Variants in ZDHHC11B observed in about 807,000 individuals in gnomAD.
ZDHHC11B encodes zDHHC palmitoyltransferase 11B (putative), also known as probable palmitoyltransferase ZDHHC11B.
ZDHHC11B carries 17 observed loss-of-function variants against 42.3 expected under a neutral mutation model. That is an observed-to-expected ratio of 0.40 (90% CI 0.27 to 0.60). The LOEUF is 0.60. Among genes scored for constraint, ZDHHC11B ranks in the 20% least tolerant of loss-of-function variants. The pLI is 0.41. For synonymous variants in ZDHHC11B, 123 were observed against 193.5 expected (o/e 0.64, Z 3.02); for missense variants, 262 against 463.2 (o/e 0.57, Z 3.99).
intron 4 of ZDHHC11B, among the ~76,000 whole-genome samples, chr5:763,513 T>C (rs1338253419): frequency 2.0e-5 from 3 of 151,832 alleles, no homozygotes; most frequent in South Asian, 2.1e-4. Flanking sequence ...ACTGTTGCAC[T>C]TGGGGAAAAA....
At chr5:777,800 G>A (rs1249397109) in intron 1 of ZDHHC11B, among the ~76,000 whole-genome samples, 2 of 151,980 alleles carry the variant, frequency 1.3e-5, no homozygotes, top group Non-Finnish European at 2.9e-5. Context: ...AGGCGGAGCT[G>A]CCCGCCAGTA....
intron 3 of ZDHHC11B, among the ~76,000 whole-genome samples, chr5:767,171 A>G (rs1735554158): frequency 6.6e-6 from 1 of 151,996 alleles, no homozygotes; most frequent in Non-Finnish European, 1.5e-5. Context: ...CCGAGTGGCA[A>G]CAGAAAATGG....
chr5:746,884 C>T (rs1225339058), intron 8 of ZDHHC11B, among the ~76,000 whole-genome samples: 9 of 127,418 alleles, frequency 7.1e-5, no homozygotes, highest in African/African-American at 1.6e-4. Flanking sequence ...CCTTAATCTG[C>T]GGCACATGTG....
At chr5:751,945 C>A (rs1218041394) in intron 6 of ZDHHC11B, among the ~76,000 whole-genome samples, 1 of 119,558 alleles carries the variant, frequency 8.4e-6, no homozygotes, top group Non-Finnish European at 1.9e-5. Flanking sequence ...CGGTGCGACT[C>A]GCCCAAGCCT....
chr5:756,333 T>G (rs1400672153), intron 4 of ZDHHC11B, among the ~76,000 whole-genome samples, 189 bp from the exon 5 acceptor site: 1 of 151,142 alleles, frequency 6.6e-6, no homozygotes, highest in African/African-American at 2.4e-5. Context: ...CTTGCACACA[T>G]GGCCCTATAC....
chr5:774,278 G>A (rs1274119078), intron 1 of ZDHHC11B, among the ~76,000 whole-genome samples: 1 of 152,132 alleles, frequency 6.6e-6, no homozygotes, highest in Non-Finnish European at 1.5e-5. Context: ...GAACAGAATT[G>A]ACAGGGCTGG....
rs1378866950 is a variant in ZDHHC11B at position 737,285 on chromosome 5, G to C, written c.936-3446C>G. ...CAGGAAGAAATAGAAACTCGTAACA[G>C]ATTAATAACAAGTAGCGAGATTGAA... is the stretch of plus-strand genomic sequence containing the variant. On this transcript the variant is annotated intron_variant, in intron 10 of 13. Coordinates refer to ENST00000508859, the MANE Select transcript of ZDHHC11B (RefSeq NM_001351303.2). Among the ~76,000 whole-genome samples, 3 of 147,880 alleles carry C rather than the reference G, an allele frequency of 2.0e-5. 1 individual carries two copies. The highest frequency in any genetic ancestry group is 7.7e-5 in the African/African-American group (3 of 39,044).
At position 756,236 on chromosome 5, in the gene ZDHHC11B, A is replaced by G. The variant is rs397832423; in HGVS notation, c.223-92T>C. On this transcript the variant is annotated intron_variant, in intron 4 of 13. Transcript: ENST00000508859. ...CCAAGGTCCCAGAAGAGGCGTGGCC[A>G]CTGGTCAGCCCTGCTCACCCAGCCC... The G allele has an allele frequency of 2.8e-3, 4,202 of 1,526,186 alleles. 137 individuals are homozygous for G. Among genetic ancestry groups the G allele is most frequent in the South Asian group, 0.015 (1,155 of 79,302 alleles). The allele number at this position is 1,526,186 out of a possible 1,614,324, so 94.5% of individuals were successfully genotyped here.
intron 12 of ZDHHC11B, among the ~76,000 whole-genome samples, chr5:721,544 G>A (rs2126968410): frequency 6.6e-6 from 1 of 151,472 alleles, no homozygotes; most frequent in East Asian, 2.0e-4. Flanking sequence ...GGTCCCAGGG[G>A]CAAGGGTGAG....
At chr5:767,086 G>A (rs1735537283) in intron 3 of ZDHHC11B, 167 bp from the exon 4 acceptor site, 9 of 953,648 alleles carry the variant, frequency 9.4e-6, no homozygotes, top group South Asian at 8.3e-5. Context: ...GGGAGCAGGG[G>A]TTGGGCTGGA....
At chr5:775,436 C>G (rs527377245) in intron 1 of ZDHHC11B, among the ~76,000 whole-genome samples, 1 of 150,632 alleles carries the variant, frequency 6.6e-6, no homozygotes, top group East Asian at 1.9e-4. Flanking sequence ...GAGAAAGACT[C>G]TGTGATGGCA....
At chr5:748,185 C>T (rs181412346) in intron 8 of ZDHHC11B, 18,729 of 574,548 alleles carry the variant, frequency 0.033, 2,314 homozygotes, top group Non-Finnish European at 0.038. Flanking sequence ...GCCTGCTGGG[C>T]CCTCATGGAT....
At position 711,711 on chromosome 5, in the gene ZDHHC11B, T is replaced by G. The variant is rs1161861145; in HGVS notation, c.*579A>C. The G allele has an allele frequency of 6.6e-6, 1 of 150,680 alleles. No individual in the cohort carries two copies. Among genetic ancestry groups the G allele is most frequent in the South Asian group, 2.2e-4 (1 of 4,634 alleles). The allele number at this position is 150,680 out of a possible 1,614,324, so 9.3% of individuals were successfully genotyped here. A position where few individuals can be genotyped will look rare whatever the true frequency, so the allele number is the denominator to read the frequency against. ...ATTCCCCAGTACTCTGTGCTCCCAT[T>G]TCCCAGTACTTTGTGCTCCCATTTC... is the stretch of plus-strand genomic sequence containing the variant. On this transcript the variant is annotated 3_prime_UTR_variant, in exon 14 of 14. Transcript: ENST00000508859.
intron 12 of ZDHHC11B, among the ~76,000 whole-genome samples, chr5:722,376 G>A (rs1391159192): frequency 6.6e-6 from 1 of 151,606 alleles, no homozygotes; most frequent in Non-Finnish European, 1.5e-5. Flanking sequence ...AAAGAGTCCA[G>A]TGGAAAAATG....
At chr5:746,982 G>A (rs1248499895) in intron 8 of ZDHHC11B, among the ~76,000 whole-genome samples, 1 of 122,264 alleles carries the variant, frequency 8.2e-6, no homozygotes, top group African/African-American at 2.8e-5. Context: ...GAGGGTGAGA[G>A]ATTTCCTGAT....
chr5:773,673 G>T lies in ZDHHC11B; in HGVS notation c.-229-4743C>A, dbSNP rs118048783. 4.9e-4 allele frequency among the ~76,000 whole-genome samples: 74 copies of T among 151,906 alleles called. 3 individuals carry two copies. The East Asian group carries it at 9.7e-3, about 20-fold the overall frequency. Reference sequence around the variant, plus strand: ...ACGTGCCCAGCCCTGCCCCGACCCAGGTGCCTGCTCACAGCACATGCCCCT... The same window carrying T: ...ACGTGCCCAGCCCTGCCCCGACCCATGTGCCTGCTCACAGCACATGCCCCT... On this transcript the variant is annotated intron_variant, in intron 1 of 13. Coordinates refer to ENST00000508859, the MANE Select transcript of ZDHHC11B (RefSeq NM_001351303.2).
intron 4 of ZDHHC11B, among the ~76,000 whole-genome samples, chr5:760,509 A>G (rs1324585033): frequency 6.6e-6 from 1 of 151,612 alleles, no homozygotes; most frequent in Admixed American, 6.6e-5. Context: ...GGGCCCCAGA[A>G]CTGTGAGACC....
At chr5:777,976 C>A (rs936154802) in intron 1 of ZDHHC11B, among the ~76,000 whole-genome samples, 3 of 151,864 alleles carry the variant, frequency 2.0e-5, no homozygotes, top group Admixed American at 2.0e-4. Context: ...AGCAGGGAGG[C>A]GGCTGAGGCC....
intron 12 of ZDHHC11B, among the ~76,000 whole-genome samples, chr5:720,362 G>A (rs1359480553): frequency 6.6e-6 from 1 of 151,742 alleles, no homozygotes; most frequent in Non-Finnish European, 1.5e-5. Context: ...AAGGCAGTGG[G>A]GTGACATATT....
Sources: gnomAD v4.1 joint callset for allele counts (sites outside exome capture counted in the v4.1 genomes callset) on GRCh38, gnomAD v4.1.1 for gene constraint, MANE v1.5 for transcripts, NCBI Gene and HGNC (gene_info 2026-07-23, HGNC 2026-07-21) for gene names.